The following KCNAB1 variants were observed in gnomAD, a reference collection of about 807,000 sequenced individuals.
The protein encoded by KCNAB1 is voltage-gated potassium channel subunit beta-1.
In KCNAB1, 35 loss-of-function variants were observed where a neutral mutation model predicts 64.6. That is an observed-to-expected ratio of 0.54 (90% CI 0.41 to 0.72). The LOEUF (loss-of-function observed/expected upper bound fraction) is 0.72, where lower values mean the gene tolerates loss of function less well. Among genes scored for constraint, KCNAB1 ranks in the 30% least tolerant of loss-of-function variants. The probability of loss-of-function intolerance (pLI) is 0.00; values close to 1 mark genes in which losing one functional copy is unlikely to be tolerated. For synonymous variants in KCNAB1, 177 were observed against 183.8 expected, an observed-to-expected ratio of 0.96 and a Z score of 0.30; for missense variants, 401 against 512.9, an observed-to-expected ratio of 0.78 and a Z score of 2.11.
At chr3:156,316,193 A>C (rs1722260812) in intron 1 of KCNAB1, among the ~76,000 whole-genome samples, 1 of 152,214 alleles carries the variant, frequency 6.6e-6, no homozygotes, top group Admixed American at 6.5e-5. Flanking sequence ...CGCATTTTAT[A>C]GATGATGAAG....
intron 1 of KCNAB1, among the ~76,000 whole-genome samples, chr3:156,244,860 T>C (rs1717364517): frequency 6.6e-6 from 1 of 152,222 alleles, no homozygotes; most frequent in Non-Finnish European, 1.5e-5. Context: ...TTTATTTTGC[T>C]ATTTTCAGTT....
intron 2 of KCNAB1, among the ~76,000 whole-genome samples, chr3:156,426,414 C>T (rs1576849640): frequency 6.6e-6 from 1 of 152,352 alleles, no homozygotes; most frequent in East Asian, 1.9e-4. Flanking sequence ...TAACCTCCCT[C>T]GTTATCAGCA....
rs142183473 is a variant in KCNAB1 at position 156,495,146 on chromosome 3, GTT to G, written c.659-19216_659-19215del. ...TATTTGGTTTTCTGTTTCTGCATTA[GTT>G]TGCTAGAGATAATGGCCTCCAGCTC... On this transcript the variant is annotated intron_variant, in intron 8 of 13. Coordinates refer to ENST00000490337, the MANE Select transcript of KCNAB1 (RefSeq NM_172160.3). 2.7e-3 allele frequency among the ~76,000 whole-genome samples: 413 copies of G among 152,220 alleles called. 4 individuals are homozygous for G. The highest frequency in any genetic ancestry group is 9.4e-3 in the African/African-American group (392 of 41,530).
chr3:156,419,540 A>C (rs1324455780), intron 1 of KCNAB1, among the ~76,000 whole-genome samples: 1 of 151,872 alleles, frequency 6.6e-6, no homozygotes, highest in African/African-American at 2.4e-5. Flanking sequence ...GAAAAGAAAA[A>C]TCTCTGAACT....
chr3:156,227,522 A>G (rs1716258376), intron 1 of KCNAB1, among the ~76,000 whole-genome samples: 1 of 152,150 alleles, frequency 6.6e-6, no homozygotes, highest in Non-Finnish European at 1.5e-5. Context: ...TTATATGCAA[A>G]TTAGTATACG....
At chr3:156,381,458 G>A (rs1712152913) in intron 1 of KCNAB1, among the ~76,000 whole-genome samples, 1 of 152,164 alleles carries the variant, frequency 6.6e-6, no homozygotes, top group African/African-American at 2.4e-5. Context: ...AGAGAATAGA[G>A]CATTCACTCC....
chr3:156,245,053 T>C (rs1717373650), intron 1 of KCNAB1, among the ~76,000 whole-genome samples: 1 of 152,226 alleles, frequency 6.6e-6, no homozygotes, highest in South Asian at 2.1e-4. Context: ...TATCAGATTC[T>C]GCTTTTATTT....
intron 9 of KCNAB1, 32 bp downstream of exon 9, chr3:156,514,481 G>T: frequency 1.3e-6 from 2 of 1,500,512 alleles, no homozygotes; most frequent in Non-Finnish European, 1.9e-6. Context: ...AATGGCTATT[G>T]AGTACCTTAT....
intron 1 of KCNAB1, among the ~76,000 whole-genome samples, chr3:156,190,703 T>A (rs1009296868): frequency 1.3e-5 from 2 of 152,132 alleles, no homozygotes; most frequent in Non-Finnish European, 2.9e-5. Flanking sequence ...AGATTTGTTT[T>A]TTTTTGGAAA....
chr3:156,224,998 A>G (rs1378491851), intron 1 of KCNAB1, among the ~76,000 whole-genome samples: 4 of 152,224 alleles, frequency 2.6e-5, no homozygotes, highest in Non-Finnish European at 2.9e-5. Context: ...CATTCAAAGA[A>G]GAATTGGTAC....
At chr3:156,266,369 T>A (rs1428801082) in intron 1 of KCNAB1, among the ~76,000 whole-genome samples, 1 of 152,212 alleles carries the variant, frequency 6.6e-6, no homozygotes, top group Non-Finnish European at 1.5e-5. Flanking sequence ...ACATAATGAT[T>A]CAATTTCTAC....
At chr3:156,496,602 T>G (rs1007414383) in intron 8 of KCNAB1, among the ~76,000 whole-genome samples, 2 of 152,208 alleles carry the variant, frequency 1.3e-5, no homozygotes, top group Non-Finnish European at 2.9e-5. Flanking sequence ...ATACATATGG[T>G]ATAGAACGTT....
chr3:156,392,253 T>A (rs756602264), intron 1 of KCNAB1, among the ~76,000 whole-genome samples: 3 of 152,218 alleles, frequency 2.0e-5, no homozygotes, highest in Non-Finnish European at 4.4e-5. Flanking sequence ...CACTGCTGTA[T>A]CCTCAGGGGT....
At chr3:156,137,211 A>G (rs745855225) in intron 1 of KCNAB1, among the ~76,000 whole-genome samples, 4 of 94,968 alleles carry the variant, frequency 4.2e-5, no homozygotes, top group Middle Eastern at 5.0e-3. Context: ...GTGCGTATGT[A>G]TCATACATTG....
At chr3:156,183,780 A>C (rs773526103) in intron 1 of KCNAB1, among the ~76,000 whole-genome samples, 7 of 152,238 alleles carry the variant, frequency 4.6e-5, no homozygotes, top group Non-Finnish European at 1.0e-4. Context: ...AGTGGTAATA[A>C]GCATAATTAT....
intron 1 of KCNAB1, among the ~76,000 whole-genome samples, chr3:156,351,119 T>A (rs981129257): frequency 6.6e-6 from 1 of 152,246 alleles, no homozygotes. Context: ...TAGAAAGATA[T>A]CATAAGAAAG....
chr3:156,122,357 T>A lies in KCNAB1; in HGVS notation c.275+1471T>A, dbSNP rs112819648. Among the ~76,000 whole-genome samples, 162 of 152,326 alleles carry A rather than the reference T, an allele frequency of 1.1e-3. 2 individuals are homozygous for A. Among genetic ancestry groups the A allele is most frequent in the African/African-American group, 3.7e-3 (152 of 41,568 alleles). On this transcript the variant is annotated intron_variant, in intron 1 of 13. Coordinates refer to ENST00000490337, the MANE Select transcript of KCNAB1 (RefSeq NM_172160.3). ...TGAAAATGGTTTTCTTCCGTAACAT[T>A]TTCCTTGACTTGCGATATACCAGAA...
chr3:156,432,565 G>T (rs1343007714), intron 2 of KCNAB1, among the ~76,000 whole-genome samples: 1 of 152,224 alleles, frequency 6.6e-6, no homozygotes. Context: ...AATGGGTGAT[G>T]AGGTAATGAG....
intron 8 of KCNAB1, among the ~76,000 whole-genome samples, chr3:156,493,824 A>T (rs1014374461): frequency 6.6e-6 from 1 of 152,130 alleles, no homozygotes; most frequent in African/African-American, 2.4e-5. Flanking sequence ...AATTCAGATT[A>T]AGCACTTTTG....
Sources: gnomAD v4.1 joint callset for allele counts (sites outside exome capture counted in the v4.1 genomes callset) on GRCh38, gnomAD v4.1.1 for gene constraint, MANE v1.5 for transcripts, NCBI Gene and HGNC (gene_info 2026-07-23, HGNC 2026-07-21) for gene names.